Variants in PUDP observed in about 807,000 individuals in gnomAD.
PUDP encodes pseudouridine-5'-phosphatase.
PUDP carries 8 observed loss-of-function variants against 9.4 expected under a neutral mutation model. That is an observed-to-expected ratio of 0.85 (90% CI 0.50 to 1.53). The LOEUF (loss-of-function observed/expected upper bound fraction) is 1.53. Ranked by LOEUF, PUDP falls within the 40% of genes most tolerant of loss-of-function variation. The pLI is 0.00. For missense variants in PUDP, 188 were observed against 189.7 expected, an observed-to-expected ratio of 0.99 and a Z score of 0.05; for synonymous variants, 99 against 80.7, an observed-to-expected ratio of 1.23 and a Z score of -1.22.
chrX:6,895,818 C>G (rs183244881), intron 3 of PUDP, among the ~76,000 whole-genome samples: 1 of 111,488 alleles, frequency 9.0e-6, no homozygotes, highest in East Asian at 2.8e-4. Flanking sequence ...GCTGGGAGTC[C>G]GAGATCTAGC....
intron 3 of PUDP, among the ~76,000 whole-genome samples, chrX:6,890,990 C>T (rs1927507075): frequency 9.7e-6 from 1 of 102,738 alleles, no homozygotes; most frequent in African/African-American, 3.6e-5. Context: ...TGGCACACAC[C>T]TGTAGTATCC....
intron 3 of PUDP, among the ~76,000 whole-genome samples, chrX:6,803,569 G>A (rs757815236): frequency 1.8e-5 from 2 of 112,267 alleles, no homozygotes; most frequent in South Asian, 7.5e-4. Context: ...GAAGAAAAAA[G>A]TGTCCAAAAA....
At chrX:6,948,941 C>T (rs1928509806) in intron 3 of PUDP, among the ~76,000 whole-genome samples, 1 of 112,060 alleles carries the variant, frequency 8.9e-6, no homozygotes. Context: ...AATTTAAGGA[C>T]AGTGGTGATG....
At chrX:6,818,876 C>T (rs945293785) in intron 3 of PUDP, among the ~76,000 whole-genome samples, 12 of 112,011 alleles carry the variant, frequency 1.1e-4, no homozygotes, top group African/African-American at 3.6e-4. Context: ...ATTGATTCTT[C>T]GTAAGCCTGC....
chrX:7,018,003 T>C (rs1178871258), intron 1 of PUDP, among the ~76,000 whole-genome samples: 3 of 111,724 alleles, frequency 2.7e-5, no homozygotes, highest in East Asian at 5.6e-4. Context: ...GTGGTCCTCA[T>C]TGGTACACTC....
At chrX:6,713,693 G>A (rs1924561578) in intron 1 of PUDP, among the ~76,000 whole-genome samples, 1 of 111,053 alleles carries the variant, frequency 9.0e-6, no homozygotes, top group South Asian at 3.8e-4. Context: ...TTTCTGTTGG[G>A]ATATACCTTT....
Position 6,883,410 on chromosome X carries a change from T to C in PUDP, c.*247+93723A>G, listed in dbSNP as rs192471735. Among the ~76,000 whole-genome samples, 406 of 106,927 alleles carry C rather than the reference T, an allele frequency of 3.8e-3. 2 individuals are homozygous for C. Among genetic ancestry groups the C allele is most frequent in the Non-Finnish European group, 6.1e-3 (319 of 52,178 alleles). 92.9% of individuals were successfully genotyped at this position (106,927 alleles called of 115,157 possible). On this transcript the variant is annotated intron_variant and NMD_transcript_variant, in intron 3 of 3. Coordinates refer to the PUDP transcript ENST00000655425. ...GGTGGCGCTCGCCTGTAGTCCCTGA[T>C]ACTTATGAGGCTGAGACAAGAGAAT...
intron 1 of PUDP, among the ~76,000 whole-genome samples, chrX:7,035,312 G>T (rs1396291643): frequency 2.7e-5 from 3 of 111,465 alleles, no homozygotes; most frequent in Non-Finnish European, 5.7e-5. Context: ...GCAAAAATTA[G>T]GTTTCCTGGT....
chrX:7,143,002 T>C (rs959441179), intron 1 of PUDP, among the ~76,000 whole-genome samples: 1 of 111,282 alleles, frequency 9.0e-6, no homozygotes, highest in East Asian at 2.8e-4. Context: ...GCAAACTTCA[T>C]TGCTGTTTTA....
At chrX:6,816,124 C>T (rs1317850807) in intron 3 of PUDP, among the ~76,000 whole-genome samples, 1 of 106,332 alleles carries the variant, frequency 9.4e-6, no homozygotes, top group African/African-American at 3.4e-5. Context: ...CATGAATAAA[C>T]ATAAACACAA....
chrX:6,904,693 G>A (rs891185463), intron 3 of PUDP, among the ~76,000 whole-genome samples: 1 of 111,785 alleles, frequency 8.9e-6, no homozygotes, highest in African/African-American at 3.3e-5. Flanking sequence ...GAAGGGAGCA[G>A]CCAAGGGAAG....
At chrX:6,933,084 A>C (rs1229352034) in intron 3 of PUDP, among the ~76,000 whole-genome samples, 1 of 110,672 alleles carries the variant, frequency 9.0e-6, no homozygotes, top group African/African-American at 3.3e-5. Flanking sequence ...CTGCAGACTT[A>C]AATGTCCCTG....
At chrX:6,880,102 GGTT>G (rs1473794076) in intron 3 of PUDP, among the ~76,000 whole-genome samples, 1 of 104,874 alleles carries the variant, frequency 9.5e-6, no homozygotes, top group Non-Finnish European at 2.0e-5. Flanking sequence ...GAATCGTTAA[GGTT>G]TTTTTTTTTT....
intron 1 of PUDP, among the ~76,000 whole-genome samples, chrX:7,030,456 C>T (rs750180550): frequency 1.6e-4 from 18 of 112,073 alleles, no homozygotes; most frequent in South Asian, 7.6e-4. Context: ...AAATCCTTAA[C>T]CATGCTGAAA....
At chrX:7,032,486 G>A (rs1436934671) in intron 1 of PUDP, among the ~76,000 whole-genome samples, 2 of 111,941 alleles carry the variant, frequency 1.8e-5, no homozygotes, top group Non-Finnish European at 3.8e-5. Context: ...AAGGATGAAT[G>A]GATAAACATA....
chrX:6,971,724 T>G (rs1928880991), intron 3 of PUDP, among the ~76,000 whole-genome samples: 1 of 111,431 alleles, frequency 9.0e-6, no homozygotes, highest in African/African-American at 3.3e-5. Context: ...GCGCCTGGCC[T>G]AAAGTAGTTT....
At chrX:6,762,210 C>T (rs1334850033) in intron 3 of PUDP, among the ~76,000 whole-genome samples, 1 of 111,407 alleles carries the variant, frequency 9.0e-6, no homozygotes, top group African/African-American at 3.3e-5. Flanking sequence ...TAAAATAAAG[C>T]CATACTTCCT....
chrX:6,827,684 G>A (rs187887269), intron 3 of PUDP, among the ~76,000 whole-genome samples: 2 of 111,893 alleles, frequency 1.8e-5, no homozygotes, highest in African/African-American at 3.2e-5. Flanking sequence ...AGGGATGGGA[G>A]CAAAGAAAAG....
chrX:6,877,684 G>A (rs747183251), intron 3 of PUDP, among the ~76,000 whole-genome samples: 1 of 111,813 alleles, frequency 8.9e-6, no homozygotes, highest in South Asian at 3.8e-4. Flanking sequence ...TGATAGGCAG[G>A]CACTTCCCAA....
Sources: gnomAD v4.1 joint callset for allele counts (sites outside exome capture counted in the v4.1 genomes callset) on GRCh38, gnomAD v4.1.1 for gene constraint, MANE v1.5 for transcripts, NCBI Gene and HGNC (gene_info 2026-07-23, HGNC 2026-07-21) for gene names.